FBXL2: variants seen among roughly 807,000 people sequenced by gnomAD.
FBXL2 encodes F-box/LRR-repeat protein 2.
A neutral mutation model predicts 69.2 loss-of-function variants in FBXL2; 38 were observed. That is an observed-to-expected ratio of 0.55 (90% CI 0.42 to 0.72). The LOEUF is 0.72. Ranked by LOEUF, FBXL2 falls within the 30% of genes least tolerant of loss-of-function variation. The probability of loss-of-function intolerance (pLI) is 0.00; values close to 1 mark genes in which losing one functional copy is unlikely to be tolerated. For synonymous variants in FBXL2, 192 were observed against 201.3 expected (o/e 0.95, Z 0.39); for missense variants, 354 against 520.3 (o/e 0.68, Z 3.11).
chr3:33,340,331 A>G (rs574910756), intron 2 of FBXL2, among the ~76,000 whole-genome samples: 76 of 152,256 alleles, frequency 5.0e-4, no homozygotes, highest in African/African-American at 1.5e-3. Context: ...TGAACATGCA[A>G]TAATGACCAT....
chr3:33,285,541 T>G (rs2034517946), intron 1 of FBXL2, among the ~76,000 whole-genome samples: 2 of 152,144 alleles, frequency 1.3e-5, no homozygotes, highest in Non-Finnish European at 2.9e-5. Context: ...TTCTCAAGGA[T>G]TATCTTTGTG....
chr3:33,359,218 TTAA>T, intron 3 of FBXL2, 62 bp from the exon 4 acceptor site: 1 of 1,388,124 alleles, frequency 7.2e-7, no homozygotes, highest in South Asian at 1.3e-5. Flanking sequence ...AAGACTTTCT[TTAA>T]TAGTCTCAAT....
intron 2 of FBXL2, among the ~76,000 whole-genome samples, chr3:33,312,634 A>G (rs755653326): frequency 6.6e-6 from 1 of 152,196 alleles, no homozygotes; most frequent in Non-Finnish European, 1.5e-5. Flanking sequence ...TGTTAAATCT[A>G]CATTGTTAAA....
chr3:33,338,330 T>G (rs2039746692), intron 2 of FBXL2, among the ~76,000 whole-genome samples: 1 of 152,042 alleles, frequency 6.6e-6, no homozygotes, highest in Non-Finnish European at 1.5e-5. Context: ...GAGAACCACT[T>G]GAAGGTGGGA....
chr3:33,403,283 G>T (rs966921581), exon 13 of FBXL2: 1 of 242,110 alleles, frequency 4.1e-6, no homozygotes, highest in Admixed American at 5.3e-5. Context: ...GACAAGAAAG[G>T]ATTTATAAGC....
At chr3:33,370,458 A>T (rs577786531) in intron 5 of FBXL2, among the ~76,000 whole-genome samples, 16 of 150,932 alleles carry the variant, frequency 1.1e-4, no homozygotes, top group Non-Finnish European at 1.6e-4. Flanking sequence ...TTCTGTAGTG[A>T]CTATTTTTTG....
In FBXL2 at chr3:33,365,255, C is replaced by T. The variant is rs953673025; in HGVS notation, c.290+536C>T. On this transcript the variant is annotated intron_variant, in intron 5 of 14. Transcript: ENST00000484457. ...TATACAACCAAATATTTGCCCATCT[C>T]TTACTGGATAGCCATTATTTATTGG... Among the ~76,000 whole-genome samples, 61 of 150,458 alleles carry T rather than the reference C, an allele frequency of 4.1e-4. 1 individual carries two copies. The highest frequency in any genetic ancestry group is 6.9e-3 in the Middle Eastern group (2 of 290).
At chr3:33,334,818 C>T (rs138647747) in intron 2 of FBXL2, among the ~76,000 whole-genome samples, 2 of 152,222 alleles carry the variant, frequency 1.3e-5, no homozygotes, top group East Asian at 1.9e-4. Context: ...CAGTGGCTCA[C>T]ATCTGTAATC....
chr3:33,310,024 A>G (rs1285948268), intron 2 of FBXL2, among the ~76,000 whole-genome samples: 25 of 152,260 alleles, frequency 1.6e-4, no homozygotes, highest in Non-Finnish European at 1.5e-5. Flanking sequence ...GTCACATACA[A>G]AAACTCTACA....
the FBXL2 span, among the ~76,000 whole-genome samples, chr3:33,414,478 T>C: frequency 6.6e-6 from 1 of 152,098 alleles, no homozygotes; most frequent in Non-Finnish European, 1.5e-5. Context: ...AGAAAGCACA[T>C]TGCTAAATAT....
At position 33,386,463 on chromosome 3, in the gene FBXL2, G is replaced by A. The variant is rs928537421; in HGVS notation, c.*855G>A. Reference sequence around the variant, plus strand: ...GTATAATCAATTAGAAGTAATGAATGGATGCATGTAAAATGGATGTGATTT... The same window carrying A: ...GTATAATCAATTAGAAGTAATGAATAGATGCATGTAAAATGGATGTGATTT... On this transcript the variant is annotated 3_prime_UTR_variant, in exon 15 of 15. Coordinates refer to ENST00000484457, the MANE Select transcript of FBXL2 (RefSeq NM_012157.5). The A allele has an allele frequency of 6.6e-6, 1 of 151,996 alleles. No individual in the cohort carries two copies. Among genetic ancestry groups the A allele is most frequent in the Non-Finnish European group, 1.5e-5 (1 of 67,998 alleles). The allele number at this position is 151,996 out of a possible 1,614,324, so 9.4% of individuals were successfully genotyped here. A position where few individuals can be genotyped will look rare whatever the true frequency, so the allele number is the denominator to read the frequency against.
intron 2 of FBXL2, among the ~76,000 whole-genome samples, chr3:33,333,381 T>C (rs914655649): frequency 3.3e-5 from 5 of 152,184 alleles, no homozygotes; most frequent in African/African-American, 1.2e-4. Context: ...TTGTTGGATA[T>C]AGGTATTGAT....
At chr3:33,344,866 G>A (rs966164220) in intron 2 of FBXL2, among the ~76,000 whole-genome samples, 5 of 152,016 alleles carry the variant, frequency 3.3e-5, no homozygotes, top group African/African-American at 1.2e-4. Flanking sequence ...AAACAAAAGG[G>A]GGACATCACT....
At chr3:33,351,678 C>G (rs1303037813) in intron 2 of FBXL2, among the ~76,000 whole-genome samples, 2 of 152,096 alleles carry the variant, frequency 1.3e-5, no homozygotes, top group Non-Finnish European at 2.9e-5. Flanking sequence ...GCAACAAGAA[C>G]TCTTATTCAT....
chr3:33,405,085 A>C (rs912154591), downstream of FBXL2, among the ~76,000 whole-genome samples: 2 of 152,178 alleles, frequency 1.3e-5, no homozygotes, highest in African/African-American at 4.8e-5. Context: ...ATTAAATTTC[A>C]ATTTATGTAA....
At chr3:33,314,049 A>T (rs2037450617) in intron 2 of FBXL2, among the ~76,000 whole-genome samples, 1 of 151,592 alleles carries the variant, frequency 6.6e-6, no homozygotes. Context: ...TTATTCCTTT[A>T]TGTCTCTATA....
At chr3:33,286,159 C>T (rs1490807966) in intron 1 of FBXL2, among the ~76,000 whole-genome samples, 1 of 152,152 alleles carries the variant, frequency 6.6e-6, no homozygotes, top group Non-Finnish European at 1.5e-5. Flanking sequence ...TTCTCCTCAT[C>T]TTTGTGGTTT....
chr3:33,300,770 G>A (rs1415175439), intron 2 of FBXL2, among the ~76,000 whole-genome samples: 7 of 148,792 alleles, frequency 4.7e-5, no homozygotes, highest in Admixed American at 6.7e-5. Flanking sequence ...GTGCAATGGC[G>A]CAATCTTGGC....
At chr3:33,391,019 T>C (rs984742043), downstream of FBXL2, 31 of 152,430 alleles carry the variant, frequency 2.0e-4, no homozygotes, top group African/African-American at 7.5e-4. Context: ...TTATAGTATA[T>C]GTCTTCTTTT....
Sources: allele counts gnomAD v4.1 joint callset (sites outside exome capture counted in the v4.1 genomes callset), GRCh38; gene constraint gnomAD v4.1.1; transcripts MANE v1.5; gene names NCBI Gene and HGNC (gene_info 2026-07-23, HGNC 2026-07-21).